Variants in RORC observed in about 807,000 individuals in gnomAD.
The protein encoded by RORC is RAR related orphan receptor C.
Under a neutral mutation model 64.5 loss-of-function variants are expected in RORC, and 13 were observed. The ratio of observed to expected loss-of-function variants is 0.20; its 90% confidence interval spans 0.13 to 0.32. The LOEUF is 0.32. RORC is among the 10% of genes least tolerant of loss of function. The probability of loss-of-function intolerance (pLI) is 1.00; values close to 1 mark genes in which losing one functional copy is unlikely to be tolerated. For missense variants in RORC, 468 were observed against 669.5 expected (o/e 0.70, Z 3.32); for synonymous variants, 277 against 259.3 (o/e 1.07, Z -0.65).
chr1:151,823,698 G>T (rs1469215613), intron 2 of RORC, among the ~76,000 whole-genome samples: 5 of 152,276 alleles, frequency 3.3e-5, no homozygotes, highest in African/African-American at 9.6e-5. Flanking sequence ...AGGGTGCTGT[G>T]ACATTGATCA....
chr1:151,812,821 A>G (rs929618965), intron 9 of RORC, 126 bp downstream of exon 9: 3 of 629,492 alleles, frequency 4.8e-6, no homozygotes, highest in African/African-American at 3.7e-5. Flanking sequence ...AATACTGAGT[A>G]GGGCTCATTC....
chr1:151,829,583 G>T, intron 1 of RORC, 125 bp from the exon 2 acceptor site: 1 of 849,638 alleles, frequency 1.2e-6, no homozygotes, highest in Non-Finnish European at 1.7e-6. Context: ...TGAAGGGCAG[G>T]CAGGCCACCC....
chr1:151,829,459 C>T lies in RORC; in HGVS notation c.41-1G>A. 1 of 1,531,276 alleles carries T rather than the reference C, an allele frequency of 6.5e-7. No homozygotes were observed. The allele number at this position is 1,531,276 out of a possible 1,614,324, so 94.9% of individuals were successfully genotyped here. On this transcript the variant is annotated splice_acceptor_variant, in intron 1 of 10. Transcript: ENST00000318247. LOFTEE classifies it high-confidence loss of function. ...TGGGTCTTCTTTGCAGCCAGCAGCT[C>T]TGTAAAGACAAGAGAGGGGGTTGAC...
rs200570620 is a variant in RORC, at chr1:151,806,171, C to T, written c.*1301G>A. 6.5e-6 allele frequency: 1 copy of T among 153,106 alleles called. No homozygotes were observed. The highest frequency in any genetic ancestry group is 1.5e-5 in the Non-Finnish European group (1 of 68,068). 9.5% of individuals were successfully genotyped at this position (153,106 alleles called of 1,614,324 possible). A position where few individuals can be genotyped will look rare whatever the true frequency, so the allele number is the denominator to read the frequency against. On this transcript the variant is annotated 3_prime_UTR_variant, in exon 11 of 11. Transcript: ENST00000318247. ...AGGACACAATCCCACCCCCAACCCCCCCAACTCCACGACTGCCCATCATTG... is the reference window on the plus strand; with the variant it reads ...AGGACACAATCCCACCCCCAACCCCTCCAACTCCACGACTGCCCATCATTG...
At chr1:151,819,664 C>A (rs1287207207) in intron 2 of RORC, among the ~76,000 whole-genome samples, 1 of 152,290 alleles carries the variant, frequency 6.6e-6, no homozygotes, top group East Asian at 1.9e-4. Flanking sequence ...CATCCGCGTG[C>A]GTGTGTGTGC....
chr1:151,826,248 C>A (rs1322455847), intron 2 of RORC, among the ~76,000 whole-genome samples: 1 of 152,138 alleles, frequency 6.6e-6, no homozygotes, highest in African/African-American at 2.4e-5. Context: ...TCGTAGGGGG[C>A]GTTGGAAAAT....
intron 6 of RORC, 124 bp from the exon 7 acceptor site, chr1:151,813,744 AT>A: frequency 9.1e-7 from 1 of 1,103,862 alleles, no homozygotes. Flanking sequence ...CTCAACTAGC[AT>A]TTTCAAAAGC....
chr1:151,828,144 G>A (rs1652270670), intron 2 of RORC, among the ~76,000 whole-genome samples: 1 of 152,200 alleles, frequency 6.6e-6, no homozygotes, highest in Admixed American at 6.5e-5. Flanking sequence ...CCAGCTCATG[G>A]AGAAGGGCAA....
At chr1:151,829,987 A>G (rs1352016258) in intron 1 of RORC, among the ~76,000 whole-genome samples, 3 of 152,166 alleles carry the variant, frequency 2.0e-5, no homozygotes, top group Non-Finnish European at 2.9e-5. Context: ...TTACTTTGTA[A>G]TTTCATTGGA....
intron 2 of RORC, among the ~76,000 whole-genome samples, chr1:151,821,664 C>A (rs1558168474): frequency 6.6e-6 from 1 of 152,190 alleles, no homozygotes; most frequent in Non-Finnish European, 1.5e-5. Context: ...GAACCTAGAT[C>A]TCTGTAATTC....
At chr1:151,819,552 A>AAGTAAGCG (rs1431599153) in intron 2 of RORC, among the ~76,000 whole-genome samples, 1 of 152,158 alleles carries the variant, frequency 6.6e-6, no homozygotes, top group Non-Finnish European at 1.5e-5. Flanking sequence ...CCACCCAAAA[A>AAGTAAGCG]AGTAAGCGGG....
At chr1:151,826,098 G>T in intron 2 of RORC, 1 of 1,438,090 alleles carries the variant, frequency 7.0e-7, no homozygotes, top group Non-Finnish European at 9.1e-7. Flanking sequence ...TTCTGGACTG[G>T]GGGGTTTAAG....
chr1:151,831,726 C>T lies in RORC; in HGVS notation c.39G>A (p.Arg13=). 2 of 1,611,028 alleles carry T rather than the reference C, an allele frequency of 1.2e-6. No individual in the cohort carries two copies. Among genetic ancestry groups the T allele is most frequent in the Non-Finnish European group, 1.7e-6 (2 of 1,179,994 alleles). The change falls in exon 1 of 11, where the codon CGG becomes CGA. Residue 13 remains arginine, a splice_region_variant and synonymous_variant. Coordinates refer to ENST00000318247, the MANE Select transcript of RORC (RefSeq NM_005060.4). ...CAGGCAGGGCCATGGGCCTCTTACCCCGTGAGGCTCGGTGCTGTCTCTGTG... is the reference window on the plus strand; with the variant it reads ...CAGGCAGGGCCATGGGCCTCTTACCTCGTGAGGCTCGGTGCTGTCTCTGTG... ...RAPQRQHRAS[R]ELLAAKKTHT... is the part of the protein sequence containing the mutation.
At chr1:151,827,438 G>A (rs1652234696) in intron 2 of RORC, among the ~76,000 whole-genome samples, 1 of 152,058 alleles carries the variant, frequency 6.6e-6, no homozygotes, top group South Asian at 2.1e-4. Context: ...CAGCCTCTTA[G>A]GTGCTTTGTG....
At chr1:151,825,273 C>A (rs75564773) in intron 2 of RORC, among the ~76,000 whole-genome samples, 3 of 151,948 alleles carry the variant, frequency 2.0e-5, no homozygotes, top group African/African-American at 7.2e-5. Flanking sequence ...ACACACACCC[C>A]ACACACACAC....
Position 151,813,542 on chromosome 1 carries a change from G to A in RORC, c.1012C>T (p.Leu338Phe). The A allele has an allele frequency of 6.2e-7, 1 of 1,614,176 alleles. No individual in the cohort carries two copies. The highest frequency in any genetic ancestry group is 2.2e-5 in the East Asian group (1 of 44,874). ...IQYVVEFAKR[L>F]SGFMELCQND... ...TGGCAGAGCTCCATAAAGCCTGAGAGCCTCTTGGCGAACTCCACCACGTAC... is the reference window on the plus strand; with the variant it reads ...TGGCAGAGCTCCATAAAGCCTGAGAACCTCTTGGCGAACTCCACCACGTAC... The change falls in exon 7 of 11, where the codon CTC becomes TTC. Residue 338 changes from leucine to phenylalanine, a missense_variant. Physicochemically the swap from Leu to Phe is conservative, Grantham distance 22. Transcript: ENST00000318247.
Position 151,807,564 on chromosome 1 carries a change from G to A in RORC, c.1465C>T (p.Leu489Phe). 6.2e-7 allele frequency: 1 copy of A among 1,614,214 alleles called. No individual in the cohort carries two copies. The highest frequency in any genetic ancestry group is 8.5e-7 in the Non-Finnish European group (1 of 1,180,042). ...HVERLQIFQH[L>F]HPIVVQAAFP... The stretch of plus-strand genomic sequence containing the variant: ...GCGGCTTGGACCACGATGGGGTGGA[G>A]GTGCTGGAAGATCTGCAGCCTTTCC... Residue 489 changes from leucine (L) to phenylalanine (F), a missense_variant, in exon 11 of 11, where the codon CTC becomes TTC. Leu to Phe is a conservative substitution (Grantham distance 22, BLOSUM62 0). Around this residue, in one of 5 missense-constraint regions of RORC, gnomAD observed 93 missense variants for 116.6 expected, o/e 0.80. Transcript: ENST00000318247. The surrounding 1 kb of genome is among the most constrained non-coding windows in gnomAD (Gnocchi z 5.0).
intron 3 of RORC, 37 bp from the exon 4 acceptor site, chr1:151,816,842 T>C: frequency 6.7e-7 from 1 of 1,490,696 alleles, no homozygotes; most frequent in African/African-American, 1.4e-5. Context: ...CTGCTTATCC[T>C]GGTCAGGCCC....
At chr1:151,829,605 CCT>C in intron 1 of RORC, 147 bp from the exon 2 acceptor site, 1 of 628,936 alleles carries the variant, frequency 1.6e-6, no homozygotes, top group East Asian at 3.2e-5. Flanking sequence ...CTGCAGTGCC[CCT>C]CTCTCCTCCT....
Sources: gnomAD v4.1 joint callset for allele counts (sites outside exome capture counted in the v4.1 genomes callset) on GRCh38, gnomAD v4.1.1 for gene constraint, gnomAD v4.1.1 regional missense constraint, Gnocchi (gnomAD v3.1) non-coding constraint, MANE v1.5 for transcripts, NCBI Gene and HGNC (gene_info 2026-07-23, HGNC 2026-07-21) for gene names.